PHF14: variants seen among roughly 807,000 people sequenced by gnomAD.
PHF14 encodes PHD finger protein 14.
In PHF14, 55 loss-of-function variants were observed where a neutral mutation model predicts 117.9. The ratio of observed to expected loss-of-function variants is 0.47; its 90% CI spans 0.38 to 0.58. PHF14 has a LOEUF of 0.58. PHF14 is among the 20% of genes least tolerant of loss of function. The probability of loss-of-function intolerance (pLI) is 0.00; values close to 1 mark genes in which losing one functional copy is unlikely to be tolerated. For synonymous variants in PHF14, 409 were observed against 368.6 expected (o/e 1.11, Z -1.26); for missense variants, 978 against 1,122.2 (o/e 0.87, Z 1.84).
chr7:10,985,653 T>G (rs1408968524), intron 3 of PHF14, among the ~76,000 whole-genome samples: 2 of 130,500 alleles, frequency 1.5e-5, no homozygotes, highest in East Asian at 2.2e-4. Context: ...TTTTTTTTTT[T>G]TTTTTTTTTT....
In PHF14 at chr7:10,973,931, C is replaced by G. The variant is rs978851430; in HGVS notation, c.-393C>G. ...TTCCCTATTGTCTGAGGCAGCCGCC[C>G]TCGCGCTGTGCAATTTCTGGTCTTT... On this transcript the variant is annotated 5_prime_UTR_variant, in exon 1 of 18. Coordinates refer to ENST00000634607, the MANE Select transcript of PHF14 (RefSeq NM_001007157.2). 1.7e-4 allele frequency: 32 copies of G among 192,542 alleles called. No homozygotes were observed. Among genetic ancestry groups the G allele is most frequent in the Middle Eastern group, 4.7e-3 (2 of 426 alleles). The allele number at this position is 192,542 out of a possible 1,614,324, so 11.9% of individuals were successfully genotyped here.
intron 2 of PHF14, among the ~76,000 whole-genome samples, chr7:10,975,410 G>T (rs1781826461): frequency 6.6e-6 from 1 of 152,120 alleles, no homozygotes; most frequent in Admixed American, 6.5e-5. Context: ...AGTAAGAGTT[G>T]CACTTCAAAT....
At position 10,974,318 on chromosome 7, in the gene PHF14, T is replaced by C; in HGVS notation, c.-6T>C. On this transcript the variant is annotated 5_prime_UTR_variant, in exon 1 of 18. Transcript: ENST00000634607. ...CTTCTCCAAACGACCACCTCACGGATTCCTTAGTAAGTGTATCCGAGGCCT... is the reference window on the plus strand; with the variant it reads ...CTTCTCCAAACGACCACCTCACGGACTCCTTAGTAAGTGTATCCGAGGCCT... The C allele has an allele frequency of 6.3e-7, 1 of 1,591,436 alleles. No individual in the cohort carries two copies. Among genetic ancestry groups the C allele is most frequent in the Non-Finnish European group, 8.6e-7 (1 of 1,168,304 alleles).
chr7:11,003,954 A>C (rs1484546508), intron 4 of PHF14, among the ~76,000 whole-genome samples: 1 of 152,176 alleles, frequency 6.6e-6, no homozygotes, highest in Non-Finnish European at 1.5e-5. Context: ...ATAAGCTAAG[A>C]AAACATCTCC....
intron 14 of PHF14, among the ~76,000 whole-genome samples, chr7:11,059,867 T>C (rs1339005011): frequency 6.6e-6 from 1 of 152,140 alleles, no homozygotes; most frequent in Non-Finnish European, 1.5e-5. Context: ...TTGTCAAATT[T>C]TTATTTTATT....
At chr7:11,080,934 A>G (rs1249188188) in intron 16 of PHF14, among the ~76,000 whole-genome samples, 1 of 152,198 alleles carries the variant, frequency 6.6e-6, no homozygotes, top group Non-Finnish European at 1.5e-5. Context: ...TGTCATTCCT[A>G]GAGTGTTGCT....
chr7:11,167,044 A>G (rs1048839748), intron 17 of PHF14, among the ~76,000 whole-genome samples: 4 of 152,210 alleles, frequency 2.6e-5, no homozygotes, highest in Non-Finnish European at 1.5e-5. Flanking sequence ...TTTTTATTTC[A>G]TTTAACCATG....
chr7:11,000,762 T>C (rs1461131552), intron 4 of PHF14, among the ~76,000 whole-genome samples: 1 of 152,186 alleles, frequency 6.6e-6, no homozygotes, highest in Non-Finnish European at 1.5e-5. Context: ...TGGATATCAG[T>C]TCTTTATCAG....
In PHF14 at chr7:10,982,747, C is replaced by G. The variant is rs1217359555; in HGVS notation, c.488C>G (p.Ser163Cys). The G allele has an allele frequency of 1.2e-6, 2 of 1,613,790 alleles. No homozygotes were observed. The highest frequency in any genetic ancestry group is 1.1e-5 in the South Asian group (1 of 91,062). ...ACAAGTCCTCCTGCTGTTAACACATCCCCTTCTGTTCCCACTACGACAACC... is the reference window on the plus strand; with the variant it reads ...ACAAGTCCTCCTGCTGTTAACACATGCCCTTCTGTTCCCACTACGACAACC... ...PATSPPAVNT[S>C]PSVPTTTTAT... The change falls in exon 3 of 18, where the codon TCC becomes TGC. Residue 163 changes from serine (S) to cysteine (C), a missense_variant. Around this residue, in one of 7 missense-constraint regions of PHF14, gnomAD observed 414 missense variants for 376.4 expected, o/e 1.10. Transcript: ENST00000634607.
Position 11,081,424 on chromosome 7 carries a change from C to T in PHF14, c.2654+19339C>T, listed in dbSNP as rs564935958. Among the ~76,000 whole-genome samples the T allele has an allele frequency of 2.6e-5, 4 of 152,278 alleles. No homozygotes were observed. In the South Asian group the frequency reaches 8.3e-4, roughly 32 times the overall value. On this transcript the variant is annotated intron_variant, in intron 16 of 17. Coordinates refer to ENST00000634607, the MANE Select transcript of PHF14 (RefSeq NM_001007157.2). ...AAATATTTGGAACCAACACAAATGC[C>T]TGGTATTACAAGAGTGGTTAAATAA... is the stretch of plus-strand genomic sequence containing the variant.
intron 13 of PHF14, among the ~76,000 whole-genome samples, chr7:11,046,406 G>T (rs772622977): frequency 6.6e-6 from 1 of 152,082 alleles, no homozygotes; most frequent in African/African-American, 2.4e-5. Flanking sequence ...ATTTAACAGA[G>T]AATTGAGTAA....
intron 16 of PHF14, among the ~76,000 whole-genome samples, chr7:11,099,103 A>AT (rs1261501372): frequency 2.6e-5 from 4 of 152,070 alleles, no homozygotes; most frequent in Admixed American, 2.6e-4. Flanking sequence ...CTGCCACTGA[A>AT]TTTTTCTTAT....
chr7:10,985,719 C>A (rs1296844963), intron 3 of PHF14, among the ~76,000 whole-genome samples: 2 of 118,508 alleles, frequency 1.7e-5, no homozygotes, highest in East Asian at 5.9e-4. Flanking sequence ...GTGGCATGAT[C>A]TCGGCTCACT....
rs1003105583 is a variant in PHF14 at position 10,982,622 on chromosome 7, AGAAAAG to A, written c.372_377del (p.Lys129_Glu130del). 6.5e-7 allele frequency: 1 copy of A among 1,536,100 alleles called. No individual in the cohort carries two copies. Among genetic ancestry groups the A allele is most frequent in the Non-Finnish European group, 8.8e-7 (1 of 1,134,824 alleles). ...AGAAAAAGGAGAAAGAGAAGGAAAAAGAAAAGGAAAAGGAGAAAGAGAAGGAAAGAG... is the reference window on the plus strand; with the variant it reads ...AGAAAAAGGAGAAAGAGAAGGAAAAAGAAAAGGAGAAAGAGAAGGAAAGAG... On this transcript the variant is annotated inframe_deletion, in exon 3 of 18. Coordinates refer to ENST00000634607, the MANE Select transcript of PHF14 (RefSeq NM_001007157.2).
intron 17 of PHF14, among the ~76,000 whole-genome samples, chr7:11,138,268 C>G (rs1395581370): frequency 6.6e-6 from 1 of 151,824 alleles, no homozygotes; most frequent in East Asian, 2.0e-4. Flanking sequence ...GTCTCGATCT[C>G]CTGACCTCGT....
At chr7:11,074,104 G>A (rs536403044) in intron 16 of PHF14, among the ~76,000 whole-genome samples, 5 of 152,270 alleles carry the variant, frequency 3.3e-5, no homozygotes, top group African/African-American at 1.2e-4. Flanking sequence ...CCATGTCTTG[G>A]CTATTATCAT....
At position 11,128,643 on chromosome 7, in the gene PHF14, A is replaced by G. The variant is rs375755952; in HGVS notation, c.2772+17176A>G. ...GGTTTTATCCCTGACATTCAAGGCC[A>G]TATATAATCTAGACTCATGCTGCTA... On this transcript the variant is annotated intron_variant, in intron 17 of 17. Coordinates refer to ENST00000634607, the MANE Select transcript of PHF14 (RefSeq NM_001007157.2). Among the ~76,000 whole-genome samples, 39 of 151,896 alleles carry G rather than the reference A, an allele frequency of 2.6e-4. No individual in the cohort carries two copies. In the East Asian group the frequency reaches 6.6e-3, roughly 26 times the overall value.
chr7:11,149,249 A>G (rs1371432203), intron 17 of PHF14, among the ~76,000 whole-genome samples: 3 of 152,108 alleles, frequency 2.0e-5, no homozygotes, highest in Non-Finnish European at 4.4e-5. Context: ...TTTTTTTAAC[A>G]TGCTTGATTT....
At chr7:11,047,351 G>A (rs1056009356) in intron 13 of PHF14, among the ~76,000 whole-genome samples, 6 of 151,996 alleles carry the variant, frequency 3.9e-5, no homozygotes, top group Admixed American at 3.3e-4. Context: ...ACAGGCGTGA[G>A]CTACTGTGCC....
Sources: allele counts gnomAD v4.1 joint callset (sites outside exome capture counted in the v4.1 genomes callset), GRCh38; gene constraint gnomAD v4.1.1; regional missense constraint gnomAD v4.1.1; transcripts MANE v1.5; gene names NCBI Gene and HGNC (gene_info 2026-07-23, HGNC 2026-07-21).